XYLB: variants seen among roughly 807,000 people sequenced by gnomAD.
XYLB encodes xylulose kinase.
In XYLB, 62 loss-of-function variants were observed where a neutral mutation model predicts 78.7. That is an observed-to-expected ratio of 0.79 (90% CI 0.64 to 0.97). XYLB has a LOEUF of 0.97. XYLB is among the 50% of genes least tolerant of loss of function. The probability of loss-of-function intolerance (pLI) is 0.00; values close to 1 mark genes in which losing one functional copy is unlikely to be tolerated. For missense variants in XYLB, 687 were observed against 676.8 expected (o/e 1.02, Z -0.17); for synonymous variants, 245 against 247.4 (o/e 0.99, Z 0.09).
intron 10 of XYLB, among the ~76,000 whole-genome samples, chr3:38,374,134 C>CTGTA (rs1559591004): frequency 6.6e-6 from 1 of 152,110 alleles, no homozygotes; most frequent in African/African-American, 2.4e-5. Flanking sequence ...TCTTTCTTTG[C>CTGTA]TGTATATCCT....
chr3:38,372,620 C>G lies in XYLB; in HGVS notation c.766-35C>G, dbSNP rs199641770. Reference sequence around the variant, plus strand: ...TGTGCTGGGCAGGCGGGATTTACCTCAACAGAGCACCTTTGCTTTGTCCCC... The same window carrying G: ...TGTGCTGGGCAGGCGGGATTTACCTGAACAGAGCACCTTTGCTTTGTCCCC... On this transcript the variant is annotated intron_variant, in intron 9 of 18. Coordinates refer to ENST00000207870, the MANE Select transcript of XYLB (RefSeq NM_005108.4). The G allele has an allele frequency of 1.9e-6, 3 of 1,613,808 alleles. No homozygotes were observed. In the East Asian group the frequency reaches 6.7e-5, roughly 36 times the overall value.
chr3:38,366,202 G>T (rs1470288281), intron 6 of XYLB, among the ~76,000 whole-genome samples: 1 of 152,134 alleles, frequency 6.6e-6, no homozygotes, highest in Non-Finnish European at 1.5e-5. Context: ...GGCCAGCTTG[G>T]GTTACATGAC....
chr3:38,392,898 A>G (rs1212374282), intron 15 of XYLB, among the ~76,000 whole-genome samples: 1 of 152,208 alleles, frequency 6.6e-6, no homozygotes, highest in African/African-American at 2.4e-5. Context: ...CCACTCCAGT[A>G]TCACAGAAGT....
the XYLB span, among the ~76,000 whole-genome samples, chr3:38,450,770 T>C: frequency 6.6e-6 from 1 of 152,178 alleles, no homozygotes; most frequent in Non-Finnish European, 1.5e-5. Context: ...ATATGGAAGA[T>C]TTATTTAAGG....
downstream of XYLB, among the ~76,000 whole-genome samples, chr3:38,419,471 A>G (rs778395076): frequency 6.6e-6 from 1 of 150,428 alleles, no homozygotes; most frequent in Non-Finnish European, 1.5e-5. Flanking sequence ...TAACTTTTTG[A>G]GGACCCACCA....
chr3:38,432,799 C>T, the XYLB span, among the ~76,000 whole-genome samples: 8 of 152,254 alleles, frequency 5.3e-5, no homozygotes, highest in Admixed American at 4.6e-4. Context: ...CCAGCTCCAC[C>T]TCTGTGGCTT....
At chr3:38,419,603 T>TATATATATATATATATATATATATAA (rs71085322), downstream of XYLB, among the ~76,000 whole-genome samples, 228 of 80,626 alleles carry the variant, frequency 2.8e-3, 13 homozygotes, top group South Asian at 4.8e-3. Flanking sequence ...TATATATATA[T>TATATATATATATATATATATATATAA]AATAGCCATC....
intron 14 of XYLB, among the ~76,000 whole-genome samples, chr3:38,377,629 G>T (rs1486515086): frequency 6.6e-6 from 1 of 151,810 alleles, no homozygotes; most frequent in Admixed American, 6.6e-5. Flanking sequence ...TGTATTTTTA[G>T]TAGATAGGGG....
chr3:38,425,766 G>A (rs148721544), downstream of XYLB, among the ~76,000 whole-genome samples: 1 of 152,272 alleles, frequency 6.6e-6, no homozygotes, highest in African/African-American at 2.4e-5. Context: ...AGAGATTTTG[G>A]GAGGAACCCA....
the XYLB span, among the ~76,000 whole-genome samples, chr3:38,434,189 C>T: frequency 2.6e-5 from 4 of 152,304 alleles, no homozygotes; most frequent in East Asian, 7.7e-4. Flanking sequence ...CTGCCTTTGA[C>T]ATGTGGGGAT....
intron 18 of XYLB, among the ~76,000 whole-genome samples, chr3:38,402,450 C>T (rs1209263308): frequency 2.6e-5 from 4 of 152,202 alleles, no homozygotes; most frequent in Non-Finnish European, 5.9e-5. Flanking sequence ...CTAGAGCAGA[C>T]AAACCACACA....
At chr3:38,378,002 A>G (rs1706952204) in intron 14 of XYLB, among the ~76,000 whole-genome samples, 1 of 152,164 alleles carries the variant, frequency 6.6e-6, no homozygotes, top group South Asian at 2.1e-4. Flanking sequence ...TCATCACCAC[A>G]TTTTGGGTTG....
chr3:38,382,513 G>A (rs1707195727), intron 15 of XYLB, among the ~76,000 whole-genome samples: 1 of 152,172 alleles, frequency 6.6e-6, no homozygotes, highest in South Asian at 2.1e-4. Context: ...GTCAATACAA[G>A]ATTTTAACAT....
At chr3:38,428,006 C>T in the XYLB span, among the ~76,000 whole-genome samples, 11 of 152,338 alleles carry the variant, frequency 7.2e-5, no homozygotes, top group South Asian at 1.9e-3. Context: ...GCTTTAACTG[C>T]ATCCCGTAAA....
chr3:38,411,490 CT>C (rs1708584154), intron 18 of XYLB, among the ~76,000 whole-genome samples: 1 of 151,918 alleles, frequency 6.6e-6, no homozygotes, highest in Non-Finnish European at 1.5e-5. Flanking sequence ...TGTAACTAAC[CT>C]GCACATTGTG....
chr3:38,447,595 AG>A, the XYLB span, among the ~76,000 whole-genome samples: 4 of 151,508 alleles, frequency 2.6e-5, no homozygotes, highest in East Asian at 7.8e-4. Flanking sequence ...CTGGGATTAC[AG>A]GCATGTGTCA....
At chr3:38,384,348 G>T (rs1196271145) in intron 15 of XYLB, among the ~76,000 whole-genome samples, 4 of 152,194 alleles carry the variant, frequency 2.6e-5, no homozygotes, top group Non-Finnish European at 4.4e-5. Context: ...TTGCAAGTGT[G>T]AGCCACCGTG....
Position 38,352,203 on chromosome 3 carries a change from CT to C in XYLB, c.140+3578del, listed in dbSNP as rs552161672. On this transcript the variant is annotated intron_variant, in intron 2 of 18. Transcript: ENST00000207870. ...TATACAGTGAAAAGTCTTTTTTTTT[CT>C]TTTTTTCTTTCTTTTTTTGAGACAG... Among the ~76,000 whole-genome samples the C allele has an allele frequency of 3.3e-5, 5 of 151,028 alleles. No individual in the cohort carries two copies. In the South Asian group the frequency reaches 1.0e-3, roughly 31 times the overall value.
At chr3:38,416,751 G>C (rs943697261), downstream of XYLB, among the ~76,000 whole-genome samples, 8 of 152,160 alleles carry the variant, frequency 5.3e-5, no homozygotes, top group African/African-American at 1.9e-4. Flanking sequence ...AATGCTAAAA[G>C]CCACAATTCA....
Sources: allele counts gnomAD v4.1 joint callset (sites outside exome capture counted in the v4.1 genomes callset), GRCh38; gene constraint gnomAD v4.1.1; transcripts MANE v1.5; gene names NCBI Gene and HGNC (gene_info 2026-07-23, HGNC 2026-07-21).